The following SLF2 variants were observed in gnomAD, a reference collection of about 807,000 sequenced individuals.
SLF2 encodes the protein SMC5/6 complex localization factor 2.
A neutral mutation model predicts 124.3 loss-of-function variants in SLF2; 68 were observed. The observed-to-expected ratio is 0.55, with a 90% CI of 0.45 to 0.67. The LOEUF is 0.67. SLF2 is among the 30% of genes least tolerant of loss of function. The probability of loss-of-function intolerance (pLI) is 0.00; values close to 1 mark genes in which losing one functional copy is unlikely to be tolerated. For missense variants in SLF2, 1,246 were observed against 1,373.7 expected (o/e 0.91, Z 1.47); for synonymous variants, 480 against 478.8 (o/e 1.00, Z -0.03).
chr10:100,959,564 T>G, intron 19 of SLF2, 68 bp downstream of exon 19: 4 of 1,590,048 alleles, frequency 2.5e-6, no homozygotes, highest in East Asian at 2.3e-5. Context: ...TCATACTGTT[T>G]GAAATAAAAT....
intron 19 of SLF2, among the ~76,000 whole-genome samples, chr10:100,961,271 G>T (rs11190768): frequency 2.0e-5 from 3 of 151,944 alleles, no homozygotes; most frequent in Non-Finnish European, 4.4e-5. Context: ...CGGCCTGCCA[G>T]AGTGCTGGGA....
intron 4 of SLF2, among the ~76,000 whole-genome samples, chr10:100,921,066 A>T (rs537215542): frequency 6.6e-6 from 1 of 152,354 alleles, no homozygotes; most frequent in Non-Finnish European, 1.5e-5. Flanking sequence ...ATCACATACA[A>T]GTTCAGGGAT....
intron 9 of SLF2, among the ~76,000 whole-genome samples, chr10:100,934,594 TTTATTTTATTTTATC>T (rs1284500357): frequency 6.6e-6 from 1 of 151,862 alleles, no homozygotes; most frequent in Non-Finnish European, 1.5e-5. Flanking sequence ...ACATTTTTAT[TTTATTTTATTTTATC>T]TTATTTTATT....
chr10:100,946,785 TGTA>T (rs1850113308), intron 13 of SLF2, among the ~76,000 whole-genome samples: 1 of 152,230 alleles, frequency 6.6e-6, no homozygotes, highest in Non-Finnish European at 1.5e-5. Context: ...GGAGATATGA[TGTA>T]GTACAAAACG....
At chr10:100,936,416 C>T (rs188562615) in intron 9 of SLF2, among the ~76,000 whole-genome samples, 92 of 152,212 alleles carry the variant, frequency 6.0e-4, no homozygotes, top group African/African-American at 2.2e-3. Flanking sequence ...TCACTGCAAG[C>T]TCTGCCTCCC....
chr10:100,961,816 G>A, intron 19 of SLF2, 61 bp from the exon 20 acceptor site: 1 of 1,436,108 alleles, frequency 7.0e-7, no homozygotes, highest in Non-Finnish European at 9.7e-7. Context: ...GTTTTATAAG[G>A]ATTAATTCAT....
rs775419953 is a variant in SLF2, at chr10:100,924,391, T to C, written c.1390T>C (p.Ser464Pro). ...CCTTCAGAAAAATAAAACCGCTAGC[T>C]CCACGACAAAGGAGAAGGAGACAAA... ...SNLQKNKTAS[S>P]TTKEKETKLP... Residue 464 changes from serine to proline, a missense_variant, in exon 5 of 20, where the codon TCC (serine) becomes CCC (proline). Ser to Pro is a moderately conservative substitution (Grantham distance 74). Around this residue, in one of 3 missense-constraint regions of SLF2, gnomAD observed 698 missense variants for 708.9 expected, o/e 0.98. Coordinates refer to ENST00000238961, the MANE Select transcript of SLF2 (RefSeq NM_018121.4). 1 of 1,614,144 alleles carries C rather than the reference T, an allele frequency of 6.2e-7. No homozygotes were observed. The highest frequency in any genetic ancestry group is 8.5e-7 in the Non-Finnish European group (1 of 1,180,026).
intron 11 of SLF2, chr10:100,943,704 C>T: frequency 4.6e-6 from 1 of 215,198 alleles, no homozygotes; most frequent in Non-Finnish European, 9.2e-6. Flanking sequence ...AGGATAGTAC[C>T]ATATAAAAAG....
intron 3 of SLF2, among the ~76,000 whole-genome samples, chr10:100,917,803 CT>C (rs985610039): frequency 6.6e-5 from 10 of 152,284 alleles, no homozygotes; most frequent in Non-Finnish European, 1.5e-4. Context: ...CCTTGAACCC[CT>C]GGCCTCAAGC....
rs761252185 is a variant in SLF2 at position 100,917,320 on chromosome 10, A to T, written c.915+20A>T. ...AATGTGGTATGTGTAAGAATTATTG[A>T]ATTAGCATTGCTACTGCTATGTCAT... On this transcript the variant is annotated intron_variant, in intron 3 of 19. Coordinates refer to ENST00000238961, the MANE Select transcript of SLF2 (RefSeq NM_018121.4). The T allele has an allele frequency of 1.3e-6, 2 of 1,577,936 alleles. No homozygotes were observed. The highest frequency in any genetic ancestry group is 2.3e-5 in the South Asian group (2 of 85,338).
In SLF2 at chr10:100,957,349, T is replaced by A. The variant is rs1044928869; in HGVS notation, c.3417+812T>A. Among the ~76,000 whole-genome samples the A allele has an allele frequency of 8.3e-4, 46 of 55,394 alleles. 5 individuals are homozygous for A. The highest frequency in any genetic ancestry group is 1.6e-3 in the South Asian group (2 of 1,258). The allele number at this position is 55,394 out of a possible 152,430, so 36.3% of individuals were successfully genotyped here. ...TCTTCAATTTTTTTTTTTTTTTTTT[T>A]TTTTTTTTTTTTTTTTTTGAGATGG... On this transcript the variant is annotated intron_variant, in intron 18 of 19. Coordinates refer to ENST00000238961, the MANE Select transcript of SLF2 (RefSeq NM_018121.4).
intron 4 of SLF2, among the ~76,000 whole-genome samples, chr10:100,919,205 G>T (rs1353717615): frequency 6.6e-6 from 1 of 151,740 alleles, no homozygotes; most frequent in Non-Finnish European, 1.5e-5. Context: ...TGGAGACGGG[G>T]TTTCACCACG....
At chr10:100,920,340 C>T (rs565705689) in intron 4 of SLF2, among the ~76,000 whole-genome samples, 1 of 152,230 alleles carries the variant, frequency 6.6e-6, no homozygotes, top group Non-Finnish European at 1.5e-5. Flanking sequence ...CCTGGATTTG[C>T]AAATTTCATT....
In SLF2 at chr10:100,955,859, T is replaced by TTGTAGTGAG. The variant is rs1850319337; in HGVS notation, c.3331-592_3331-591insTGTAGTGAG. Among the ~76,000 whole-genome samples, 9 of 148,692 alleles carry TTGTAGTGAG rather than the reference T, an allele frequency of 6.1e-5. No homozygotes were observed. In the South Asian group the frequency reaches 1.9e-3, roughly 31 times the overall value. On this transcript the variant is annotated intron_variant, in intron 17 of 19. Coordinates refer to ENST00000238961, the MANE Select transcript of SLF2 (RefSeq NM_018121.4). ...AGCCAGAGGTTGTAGTGAGCTGAGATCGCACCACTGCACTTCAACCTGGGT... is the reference window on the plus strand; with the variant it reads ...AGCCAGAGGTTGTAGTGAGCTGAGATTGTAGTGAGCGCACCACTGCACTTCAACCTGGGT...
intron 6 of SLF2, among the ~76,000 whole-genome samples, chr10:100,928,747 T>G (rs1849666782): frequency 6.6e-6 from 1 of 152,188 alleles, no homozygotes; most frequent in African/African-American, 2.4e-5. Context: ...TAAAATGCGT[T>G]ATAAACTACT....
At chr10:100,915,869 C>T in intron 1 of SLF2, 130 bp from the exon 2 acceptor site, 3 of 685,124 alleles carry the variant, frequency 4.4e-6, no homozygotes, top group Non-Finnish European at 7.5e-6. Flanking sequence ...GCATTGTTAC[C>T]ATTGTCAGAA....
chr10:100,950,940 C>T (rs1338896446), intron 17 of SLF2, among the ~76,000 whole-genome samples, 187 bp downstream of exon 17: 1 of 151,892 alleles, frequency 6.6e-6, no homozygotes, highest in Non-Finnish European at 1.5e-5. Context: ...GTAACTATAT[C>T]GTATTGAAAA....
rs1347456948 is a variant in SLF2, at chr10:100,925,968, C to G, written c.1991C>G (p.Thr664Ser). 6.2e-7 allele frequency: 1 copy of G among 1,603,340 alleles called. No individual in the cohort carries two copies. The highest frequency in any genetic ancestry group is 8.5e-7 in the Non-Finnish European group (1 of 1,174,326). ...SDYTGHVHPG[T>S]YTNTLERLVK... ...TTTTAGGGACATGTTCATCCTGGAA[C>G]TTACACAAATACCTTAGAACGTCTA... Residue 664 changes from threonine (T) to serine (S), a missense_variant, in exon 6 of 20, where the codon ACT becomes AGT. By Grantham distance (58) the Thr-to-Ser change is moderately conservative. This residue lies in a region of SLF2 where 535 missense variants were observed against 632.8 expected (regional missense o/e 0.85). Coordinates refer to ENST00000238961, the MANE Select transcript of SLF2 (RefSeq NM_018121.4).
At chr10:100,943,703 C>T (rs1417241224) in intron 11 of SLF2, 1 of 214,158 alleles carries the variant, frequency 4.7e-6, no homozygotes, top group Non-Finnish European at 9.2e-6. Context: ...GAGGATAGTA[C>T]CATATAAAAA....
Sources: gnomAD v4.1 joint callset for allele counts (sites outside exome capture counted in the v4.1 genomes callset) on GRCh38, gnomAD v4.1.1 for gene constraint, gnomAD v4.1.1 regional missense constraint, MANE v1.5 for transcripts, NCBI Gene and HGNC (gene_info 2026-07-23, HGNC 2026-07-21) for gene names.